CCDC57: variants seen among roughly 807,000 people sequenced by gnomAD.
CCDC57 encodes coiled-coil domain-containing protein 57.
A neutral mutation model predicts 118.9 loss-of-function variants in CCDC57; 118 were observed. The ratio of observed to expected loss-of-function variants is 0.99; its 90% CI spans 0.86 to 1.16. The LOEUF (loss-of-function observed/expected upper bound fraction) is 1.16, where lower values mean the gene tolerates loss of function less well. Ranked by LOEUF, CCDC57 falls within the 50% of genes most tolerant of loss-of-function variation. The pLI is 0.00. For missense variants in CCDC57, 1,300 were observed against 1,320.7 expected, an observed-to-expected ratio of 0.98 and a Z score of 0.24; for synonymous variants, 527 against 532.9, an observed-to-expected ratio of 0.99 and a Z score of 0.15.
intron 19 of CCDC57, among the ~76,000 whole-genome samples, chr17:82,109,411 T>TC (rs1182494436): frequency 6.6e-6 from 1 of 152,246 alleles, no homozygotes; most frequent in African/African-American, 2.4e-5. Context: ...GAGAAAAACT[T>TC]GATTTCTCCC....
chr17:82,192,047 G>A lies in CCDC57; in HGVS notation c.851+1709C>T, dbSNP rs868839084. ...GTCACCCAGGCTGGAGTGCAGTGGC[G>A]CGGTCTCGGCTCAGTGAAACCTCCA... is the stretch of plus-strand genomic sequence containing the variant. On this transcript the variant is annotated intron_variant, in intron 7 of 19. Coordinates refer to ENST00000665763, the Ensembl canonical transcript of CCDC57. The surrounding 1 kb of genome is among the most constrained non-coding windows in gnomAD (Gnocchi z 4.0). 8.1e-4 allele frequency among the ~76,000 whole-genome samples: 122 copies of A among 150,358 alleles called. No homozygotes were observed. Among genetic ancestry groups the A allele is most frequent in the African/African-American group, 2.8e-3 (115 of 40,782 alleles).
intron 8 of CCDC57, among the ~76,000 whole-genome samples, chr17:82,184,320 A>G (rs2046671665): frequency 6.6e-6 from 1 of 151,880 alleles, no homozygotes; most frequent in African/African-American, 2.4e-5. Context: ...ACCTCTGACC[A>G]AGTCACCCTC....
At chr17:82,152,028 C>T in intron 15 of CCDC57, 1 of 509,902 alleles carries the variant, frequency 2.0e-6, no homozygotes, top group Non-Finnish European at 3.5e-6. Flanking sequence ...CTCCCAGGCC[C>T]TCACAGCCCT....
At chr17:82,209,787 A>G (rs1365220532) in intron 1 of CCDC57, among the ~76,000 whole-genome samples, 2 of 152,222 alleles carry the variant, frequency 1.3e-5, no homozygotes, top group African/African-American at 2.4e-5. Flanking sequence ...GTACCCAGCC[A>G]GTTTTTAATA....
intron 4 of CCDC57, among the ~76,000 whole-genome samples, chr17:82,196,750 C>A (rs1203041487): frequency 6.6e-6 from 1 of 152,108 alleles, no homozygotes; most frequent in Non-Finnish European, 1.5e-5. Flanking sequence ...TGCAGAGACG[C>A]AGCCCCTCAT....
At chr17:82,150,359 C>T (rs71375084) in intron 16 of CCDC57, among the ~76,000 whole-genome samples, 2 of 141,958 alleles carry the variant, frequency 1.4e-5, no homozygotes, top group South Asian at 2.3e-4. Flanking sequence ...AGGCGCACAC[C>T]CAGAACCTGG....
intron 14 of CCDC57, among the ~76,000 whole-genome samples, chr17:82,158,238 C>T (rs1355777991): frequency 6.6e-6 from 1 of 152,222 alleles, no homozygotes; most frequent in African/African-American, 2.4e-5. Flanking sequence ...CTCGAAACCC[C>T]TTCCTGAGCC....
At chr17:82,194,702 G>A (rs1473074647) in intron 5 of CCDC57, among the ~76,000 whole-genome samples, 1 of 152,174 alleles carries the variant, frequency 6.6e-6, no homozygotes, top group Non-Finnish European at 1.5e-5. Flanking sequence ...CAATTTAACT[G>A]CACTTCATTT....
Position 82,201,455 on chromosome 17 carries a change from G to A in CCDC57, c.407+83C>T, listed in dbSNP as rs1473998611. On this transcript the variant is annotated intron_variant, in intron 3 of 19. Coordinates refer to ENST00000665763, the Ensembl canonical transcript of CCDC57. ...AGGAGGGGCAGTGAGAGTGGGCAGT[G>A]CTCGGGCAGCACAGCGGAGCAGGAG... The A allele has an allele frequency of 3.5e-6, 5 of 1,432,980 alleles. No homozygotes were observed. In the African/African-American group the frequency reaches 5.7e-5, roughly 16 times the overall value. The allele number at this position is 1,432,980 out of a possible 1,614,324, so 88.8% of individuals were successfully genotyped here.
intron 1 of CCDC57, among the ~76,000 whole-genome samples, chr17:82,210,405 C>T (rs141909101): frequency 0.013 from 1,976 of 152,174 alleles, 22 homozygotes; most frequent in Middle Eastern, 0.079. Flanking sequence ...GGCGTTGTGG[C>T]TCAGGCCTGT....
intron 16 of CCDC57, among the ~76,000 whole-genome samples, chr17:82,147,629 G>A (rs1472764314): frequency 8.6e-6 from 1 of 116,300 alleles, no homozygotes; most frequent in Non-Finnish European, 1.8e-5. Flanking sequence ...GATTGGGCGG[G>A]TGGGTGGATG....
At chr17:82,162,374 CCCAGCCCCATGGGAAACAGGGTGGG>C (rs2043453492) in intron 14 of CCDC57, among the ~76,000 whole-genome samples, 1 of 152,120 alleles carries the variant, frequency 6.6e-6, no homozygotes, top group Non-Finnish European at 1.5e-5. Flanking sequence ...AGGTAGTGAC[CCCAGCCCCATGGGAAACAGGGTGGG>C]CTCGCTGCTG....
At chr17:82,146,701 T>C (rs1308002490) in intron 16 of CCDC57, among the ~76,000 whole-genome samples, 1 of 152,146 alleles carries the variant, frequency 6.6e-6, no homozygotes, top group Non-Finnish European at 1.5e-5. Context: ...TTCCATTGAG[T>C]CCTCCCTATG....
At chr17:82,124,750 T>C (rs1457371428) in intron 19 of CCDC57, among the ~76,000 whole-genome samples, 1 of 151,602 alleles carries the variant, frequency 6.6e-6, no homozygotes, top group Non-Finnish European at 1.5e-5. Context: ...GAGCTGAGAT[T>C]GCCGCACTGC....
chr17:82,101,672 G>A, exon 20 of CCDC57: 2 of 1,593,214 alleles, frequency 1.3e-6, no homozygotes, highest in Non-Finnish European at 1.7e-6. Context: ...GGCGGGGTGG[G>A]GGGAGGAAGT....
chr17:82,151,072 C>T (rs1342980274), intron 16 of CCDC57, among the ~76,000 whole-genome samples: 17 of 99,514 alleles, frequency 1.7e-4, no homozygotes, highest in East Asian at 1.0e-3. Flanking sequence ...CAGAACCAGG[C>T]GCACACTCAG....
chr17:82,166,454 G>T (rs539559991), intron 13 of CCDC57, among the ~76,000 whole-genome samples: 1 of 151,814 alleles, frequency 6.6e-6, no homozygotes, highest in South Asian at 2.1e-4. Context: ...GGCCCAGGCT[G>T]CAGTGAGCCA....
chr17:82,145,488 A>G (rs1028710947), intron 16 of CCDC57, among the ~76,000 whole-genome samples: 1 of 152,018 alleles, frequency 6.6e-6, no homozygotes, highest in Admixed American at 6.6e-5. Context: ...CGGAGGCTGC[A>G]GTGAGCCGAG....
At chr17:82,110,000 A>T (rs1159239218) in intron 19 of CCDC57, among the ~76,000 whole-genome samples, 1 of 144,202 alleles carries the variant, frequency 6.9e-6, no homozygotes, top group African/African-American at 2.6e-5. Flanking sequence ...TTTTTTTTTG[A>T]GACAGAGTCT....
Sources: gnomAD v4.1 joint callset for allele counts (sites outside exome capture counted in the v4.1 genomes callset) on GRCh38, gnomAD v4.1.1 for gene constraint, Gnocchi (gnomAD v3.1) non-coding constraint, MANE v1.5 for transcripts, NCBI Gene and HGNC (gene_info 2026-07-23, HGNC 2026-07-21) for gene names.